EYA2: variants seen among roughly 807,000 people sequenced by gnomAD.
EYA2 encodes EYA transcriptional coactivator and phosphatase 2.
A neutral mutation model predicts 69.2 loss-of-function variants in EYA2; 31 were observed. The observed-to-expected ratio is 0.45, with a 90% CI of 0.34 to 0.60. The LOEUF (loss-of-function observed/expected upper bound fraction) is 0.60. Among genes scored for constraint, EYA2 ranks in the 20% least tolerant of loss-of-function variants. The probability of loss-of-function intolerance (pLI) is 0.02; values close to 1 mark genes in which losing one functional copy is unlikely to be tolerated. For synonymous variants in EYA2, 257 were observed against 279.4 expected, an observed-to-expected ratio of 0.92 and a Z score of 0.80; for missense variants, 622 against 701.2, an observed-to-expected ratio of 0.89 and a Z score of 1.28.
intron 1 of EYA2, among the ~76,000 whole-genome samples, chr20:46,939,248 G>A (rs1206276024): frequency 6.6e-6 from 1 of 152,108 alleles, no homozygotes; most frequent in East Asian, 1.9e-4. Flanking sequence ...AGCTGGGACT[G>A]TTAAGGAAAA....
intron 5 of EYA2, among the ~76,000 whole-genome samples, chr20:47,058,298 T>G (rs1348381730): frequency 6.6e-6 from 1 of 152,210 alleles, no homozygotes; most frequent in East Asian, 1.9e-4. Flanking sequence ...TTATGCCAAG[T>G]GCCTGTAGGG....
chr20:47,063,635 G>A (rs2030994591), intron 5 of EYA2, among the ~76,000 whole-genome samples: 1 of 152,122 alleles, frequency 6.6e-6, no homozygotes, highest in African/African-American at 2.4e-5. Flanking sequence ...CTGATTGTGG[G>A]CCAAGTCTTC....
chr20:47,093,579 C>T (rs1310889713), intron 8 of EYA2, among the ~76,000 whole-genome samples: 2 of 152,240 alleles, frequency 1.3e-5, no homozygotes, highest in Admixed American at 6.5e-5. Context: ...TGGGCACCAG[C>T]GCAAGCTGTG....
intron 1 of EYA2, among the ~76,000 whole-genome samples, chr20:46,989,217 T>C (rs571660991): frequency 6.6e-6 from 1 of 152,248 alleles, no homozygotes; most frequent in African/African-American, 2.4e-5. Context: ...CCTAGAGAGT[T>C]GTTAATGACA....
intron 5 of EYA2, among the ~76,000 whole-genome samples, chr20:47,056,096 C>T (rs2030596831): frequency 6.6e-6 from 1 of 152,230 alleles, no homozygotes; most frequent in South Asian, 2.1e-4. Flanking sequence ...ATGCTTTATG[C>T]TACCTGTGAA....
intron 1 of EYA2, among the ~76,000 whole-genome samples, chr20:46,908,140 T>C (rs1216452603): frequency 6.6e-6 from 1 of 152,218 alleles, no homozygotes; most frequent in Non-Finnish European, 1.5e-5. Flanking sequence ...GAGCACCTGC[T>C]GTGTGCCAGG....
chr20:46,944,634 G>GC (rs1404677678), intron 1 of EYA2, among the ~76,000 whole-genome samples: 2 of 152,114 alleles, frequency 1.3e-5, no homozygotes, highest in African/African-American at 4.8e-5. Flanking sequence ...TTGCTACAAA[G>GC]CCCCCAGTAG....
At chr20:46,933,565 G>C (rs1314432706) in intron 1 of EYA2, among the ~76,000 whole-genome samples, 1 of 152,202 alleles carries the variant, frequency 6.6e-6, no homozygotes, top group Non-Finnish European at 1.5e-5. Flanking sequence ...GGGTCACTCT[G>C]TTATTGAGGA....
At chr20:47,158,954 A>G (rs1473903262) in intron 10 of EYA2, among the ~76,000 whole-genome samples, 1 of 152,094 alleles carries the variant, frequency 6.6e-6, no homozygotes, top group Admixed American at 6.5e-5. Flanking sequence ...AATAAAATAA[A>G]TAATGTAATA....
chr20:47,077,156 G>A (rs558646749), intron 7 of EYA2, among the ~76,000 whole-genome samples: 7 of 152,216 alleles, frequency 4.6e-5, no homozygotes, highest in African/African-American at 1.7e-4. Flanking sequence ...AGAGACAATG[G>A]GTGAGCAAAA....
intron 1 of EYA2, among the ~76,000 whole-genome samples, chr20:46,922,691 G>A (rs934612135): frequency 1.3e-5 from 2 of 152,134 alleles, no homozygotes; most frequent in Non-Finnish European, 2.9e-5. Flanking sequence ...ACCATGTTGC[G>A]ACCACTATAA....
Position 47,057,519 on chromosome 20 carries a change from C to A in EYA2, c.416-14666C>A, listed in dbSNP as rs1003813797. Among the ~76,000 whole-genome samples the A allele has an allele frequency of 1.1e-4, 16 of 150,928 alleles. 1 individual carries two copies. The highest frequency in any genetic ancestry group is 3.6e-4 in the African/African-American group (15 of 41,168). ...GACTACTTTTTATATCACCCCCCCC[C>A]CCCATCTCATACCTCCAGACCTTTT... On this transcript the variant is annotated intron_variant, in intron 5 of 15. Transcript: ENST00000327619.
At chr20:47,169,811 G>A (rs771501814) in intron 11 of EYA2, among the ~76,000 whole-genome samples, 19 of 152,176 alleles carry the variant, frequency 1.2e-4, no homozygotes, top group Admixed American at 3.3e-4. Context: ...CAAGCTCAGA[G>A]TTTCACGTGC....
intron 1 of EYA2, among the ~76,000 whole-genome samples, chr20:46,960,871 G>A (rs1025339309): frequency 6.6e-6 from 1 of 152,098 alleles, no homozygotes; most frequent in East Asian, 1.9e-4. Context: ...CTTCCCTGCT[G>A]GAGCAGCAGC....
chr20:46,978,426 C>A (rs1980597887), intron 1 of EYA2: 1 of 378,130 alleles, frequency 2.6e-6, no homozygotes, highest in Admixed American at 3.2e-5. Flanking sequence ...ACTGAGGCCT[C>A]TGCAGGGTGA....
chr20:47,019,758 C>A (rs2146376984), intron 5 of EYA2, among the ~76,000 whole-genome samples: 1 of 151,390 alleles, frequency 6.6e-6, no homozygotes, highest in South Asian at 2.1e-4. Context: ...TTGCTTGAGT[C>A]CAGGAGTTCA....
chr20:47,104,586 C>T (rs1175062735), intron 9 of EYA2, among the ~76,000 whole-genome samples: 1 of 152,150 alleles, frequency 6.6e-6, no homozygotes, highest in Non-Finnish European at 1.5e-5. Flanking sequence ...GGTCTGTGAT[C>T]CATTTTGAGT....
chr20:47,097,036 A>G, intron 8 of EYA2, 49 bp from the exon 9 acceptor site: 1 of 1,337,460 alleles, frequency 7.5e-7, no homozygotes, highest in East Asian at 2.3e-5. Context: ...ATTAAGTCAG[A>G]TGCACGTGAG....
chr20:46,922,557 A>T (rs969443051), intron 1 of EYA2, among the ~76,000 whole-genome samples: 1 of 152,230 alleles, frequency 6.6e-6, no homozygotes. Flanking sequence ...AAAAAATACA[A>T]ACCTATGAAT....
Sources: gnomAD v4.1 joint callset for allele counts (sites outside exome capture counted in the v4.1 genomes callset) on GRCh38, gnomAD v4.1.1 for gene constraint, MANE v1.5 for transcripts, NCBI Gene and HGNC (gene_info 2026-07-23, HGNC 2026-07-21) for gene names.